Variants in ZNF423 observed in about 807,000 individuals in gnomAD.
ZNF423 encodes Ebf-associated zinc finger protein.
In ZNF423, 12 loss-of-function variants were observed where a neutral mutation model predicts 95.8. The ratio of observed to expected loss-of-function variants is 0.13; its 90% CI spans 0.08 to 0.20. The LOEUF is 0.20. Among genes scored for constraint, ZNF423 ranks in the 10% least tolerant of loss-of-function variants. The pLI is 1.00. For synonymous variants in ZNF423, 749 were observed against 711.9 expected (o/e 1.05, Z -0.83); for missense variants, 1,316 against 1,737.1 (o/e 0.76, Z 4.31).
intron 2 of ZNF423, among the ~76,000 whole-genome samples, chr16:49,737,836 G>A (rs1255339441): frequency 2.0e-5 from 3 of 152,242 alleles, no homozygotes; most frequent in East Asian, 1.9e-4. Flanking sequence ...GCCAGCACAC[G>A]AATCAGAAGG....
intron 1 of ZNF423, among the ~76,000 whole-genome samples, chr16:49,792,475 G>A (rs970286607): frequency 6.6e-6 from 1 of 152,180 alleles, no homozygotes; most frequent in African/African-American, 2.4e-5. Context: ...AACTGGCTGG[G>A]GAGGTCCAGA....
At chr16:49,794,113 T>C (rs2034460782) in intron 1 of ZNF423, among the ~76,000 whole-genome samples, 1 of 152,016 alleles carries the variant, frequency 6.6e-6, no homozygotes, top group African/African-American at 2.4e-5. Flanking sequence ...CACAGCTCAC[T>C]GCAGGCACAA....
rs1010111706 is a variant in ZNF423, at chr16:49,524,272, T to A, written c.3734-533A>T. On this transcript the variant is annotated intron_variant, in intron 6 of 7. Transcript: ENST00000563137. ...GCTAGCAAGTGGCAGAGCCTAGACTTGAATTAAATAAGCTCAGCACAGGGT... is the reference window on the plus strand; with the variant it reads ...GCTAGCAAGTGGCAGAGCCTAGACTAGAATTAAATAAGCTCAGCACAGGGT... Among the ~76,000 whole-genome samples the A allele has an allele frequency of 2.0e-5, 3 of 152,168 alleles. No individual in the cohort carries two copies. In the East Asian group the frequency reaches 5.8e-4, roughly 29 times the overall value.
chr16:49,845,025 A>T (rs1269674748), intron 1 of ZNF423, among the ~76,000 whole-genome samples: 1 of 122,708 alleles, frequency 8.1e-6, no homozygotes, highest in Non-Finnish European at 1.6e-5. Context: ...TCAAGAGCGA[A>T]ACTCCATCTC....
At chr16:49,547,061 G>A (rs1009403259) in intron 5 of ZNF423, among the ~76,000 whole-genome samples, 1 of 150,714 alleles carries the variant, frequency 6.6e-6, no homozygotes, top group Non-Finnish European at 1.5e-5. Context: ...CCAATACCCT[G>A]CAGAAAGTTG....
intron 2 of ZNF423, among the ~76,000 whole-genome samples, chr16:49,772,757 AC>A (rs2034057267): frequency 6.6e-6 from 1 of 152,004 alleles, no homozygotes; most frequent in Admixed American, 6.5e-5. Flanking sequence ...TACCTGCCCC[AC>A]AAGGGGCCAC....
intron 5 of ZNF423, among the ~76,000 whole-genome samples, chr16:49,571,316 C>G (rs1460964529): frequency 6.6e-6 from 1 of 151,994 alleles, no homozygotes; most frequent in Non-Finnish European, 1.5e-5. Flanking sequence ...CCCAGTCCAG[C>G]CAGGGAGGAA....
intron 5 of ZNF423, among the ~76,000 whole-genome samples, chr16:49,589,780 C>T (rs1300008361): frequency 1.3e-5 from 2 of 152,044 alleles, no homozygotes; most frequent in African/African-American, 4.8e-5. Flanking sequence ...AAGCCGGGAA[C>T]GCTACAGTGG....
chr16:49,740,150 G>A (rs930835406), intron 2 of ZNF423, among the ~76,000 whole-genome samples: 3 of 152,016 alleles, frequency 2.0e-5, no homozygotes, highest in African/African-American at 4.8e-5. Context: ...ACAGAAGTGA[G>A]CCACTGTACC....
chr16:49,859,015 C>T (rs1037225331), upstream of ZNF423, among the ~76,000 whole-genome samples: 1 of 152,320 alleles, frequency 6.6e-6, no homozygotes, highest in East Asian at 1.9e-4. Context: ...CCCCAGCTCG[C>T]CCGCCCAGGC....
intron 5 of ZNF423, among the ~76,000 whole-genome samples, chr16:49,582,318 T>A (rs958930087): frequency 2.0e-5 from 3 of 152,210 alleles, no homozygotes; most frequent in African/African-American, 7.2e-5. Context: ...AAGCCACTCT[T>A]CAAAACCTGT....
rs148920433 is a variant in ZNF423 at position 49,789,368 on chromosome 16, T to G, written c.100+119A>C. The G allele has an allele frequency of 2.6e-5, 24 of 931,610 alleles. No individual in the cohort carries two copies. In the African/African-American group the frequency reaches 3.6e-4, roughly 14 times the overall value. The allele number at this position is 931,610 out of a possible 1,614,324, so 57.7% of individuals were successfully genotyped here. A position where few individuals can be genotyped will look rare whatever the true frequency, so the allele number is the denominator to read the frequency against. On this transcript the variant is annotated intron_variant, in intron 2 of 7. Transcript: ENST00000563137. The stretch of plus-strand genomic sequence containing the variant: ...TCGTGTTGCATGGGGTAGTCTGGAT[T>G]GGAGGCAGGAATGTGACACGAAGAA...
intron 2 of ZNF423, among the ~76,000 whole-genome samples, chr16:49,747,685 C>G (rs2033554600): frequency 6.6e-6 from 1 of 151,438 alleles, no homozygotes. Flanking sequence ...ATTGCTGAGC[C>G]ACTGAAAATT....
At chr16:49,737,593 G>A (rs1371812145) in intron 2 of ZNF423, among the ~76,000 whole-genome samples, 1 of 152,256 alleles carries the variant, frequency 6.6e-6, no homozygotes, top group Non-Finnish European at 1.5e-5. Context: ...CGGAAAGGCA[G>A]AAAGGGAATG....
intron 3 of ZNF423, among the ~76,000 whole-genome samples, chr16:49,671,091 A>G (rs2030786294): frequency 6.6e-6 from 1 of 152,230 alleles, no homozygotes. Context: ...CACACTCCAC[A>G]GCCCCTTCAG....
intron 2 of ZNF423, among the ~76,000 whole-genome samples, chr16:49,779,131 G>T (rs956951401): frequency 6.6e-6 from 1 of 152,066 alleles, no homozygotes; most frequent in Non-Finnish European, 1.5e-5. Flanking sequence ...GCAGACATTT[G>T]CCAGGCACCT....
At chr16:49,755,441 G>A (rs1423169629) in intron 2 of ZNF423, among the ~76,000 whole-genome samples, 1 of 152,142 alleles carries the variant, frequency 6.6e-6, no homozygotes, top group Non-Finnish European at 1.5e-5. Context: ...TGCTCTCTGA[G>A]GACACCTATC....
At chr16:49,830,499 G>A (rs1039980820) in intron 1 of ZNF423, among the ~76,000 whole-genome samples, 12 of 152,140 alleles carry the variant, frequency 7.9e-5, no homozygotes, top group South Asian at 6.2e-4. Context: ...AGGGAGCTCC[G>A]TATGTTGGCC....
chr16:49,702,029 G>A (rs1481341998), intron 3 of ZNF423, among the ~76,000 whole-genome samples: 1 of 152,204 alleles, frequency 6.6e-6, no homozygotes, highest in Non-Finnish European at 1.5e-5. Flanking sequence ...GAAACCCCCA[G>A]GGGTCTGTGG....
Sources: allele counts gnomAD v4.1 joint callset (sites outside exome capture counted in the v4.1 genomes callset), GRCh38; gene constraint gnomAD v4.1.1; transcripts MANE v1.5; gene names NCBI Gene and HGNC (gene_info 2026-07-23, HGNC 2026-07-21).